Variants in C1orf21 observed in about 807,000 individuals in gnomAD.
The protein encoded by C1orf21 is uncharacterized protein C1orf21.
C1orf21 carries 3 observed loss-of-function variants against 18.7 expected under a neutral mutation model. That is an observed-to-expected ratio of 0.16 (90% CI 0.07 to 0.42). The LOEUF (loss-of-function observed/expected upper bound fraction) is 0.42, where lower values mean the gene tolerates loss of function less well. Among genes scored for constraint, C1orf21 ranks in the 10% least tolerant of loss-of-function variants. The pLI, the probability that C1orf21 is intolerant of heterozygous loss-of-function variation, is 0.99. For synonymous variants in C1orf21, 41 were observed against 46.4 expected, an observed-to-expected ratio of 0.88 and a Z score of 0.47; for missense variants, 104 against 143.6, an observed-to-expected ratio of 0.72 and a Z score of 1.41.
chr1:184,425,108 G>C (rs1180042400), intron 1 of C1orf21, among the ~76,000 whole-genome samples: 3 of 152,058 alleles, frequency 2.0e-5, no homozygotes, highest in Non-Finnish European at 4.4e-5. Context: ...TGAATGTTTG[G>C]GTGTGACTTC....
intron 1 of C1orf21, among the ~76,000 whole-genome samples, chr1:184,457,341 G>A (rs967646239): frequency 8.5e-5 from 13 of 152,092 alleles, no homozygotes; most frequent in African/African-American, 2.4e-4. Flanking sequence ...GTAGACTAAC[G>A]TCATCAAACA....
At position 184,598,472 on chromosome 1, in the gene C1orf21, A is replaced by G. The variant is rs201146030; in HGVS notation, c.327+11A>G. ...GAAAAAATTGAAAAGGTAAGAAGTG[A>G]AATAAATAACCTACATGTTTCAAGG... is the stretch of plus-strand genomic sequence containing the variant. On this transcript the variant is annotated intron_variant, in intron 5 of 5. Coordinates refer to ENST00000235307, the MANE Select transcript of C1orf21 (RefSeq NM_030806.4). The G allele has an allele frequency of 2.6e-4, 425 of 1,608,492 alleles. No homozygotes were observed. The highest frequency in any genetic ancestry group is 5.2e-4 in the Admixed American group (31 of 59,710).
Position 184,435,650 on chromosome 1 carries a change from G to A in C1orf21, c.-124-41736G>A, listed in dbSNP as rs140151278. On this transcript the variant is annotated intron_variant, in intron 1 of 5. Coordinates refer to ENST00000235307, the MANE Select transcript of C1orf21 (RefSeq NM_030806.4). Reference sequence around the variant, plus strand: ...GAGCCACTGTGCCTGGCGTATAGATGGTATTTGAAGCAAGAGACTGGCCTG... The same window carrying A: ...GAGCCACTGTGCCTGGCGTATAGATAGTATTTGAAGCAAGAGACTGGCCTG... Among the ~76,000 whole-genome samples, 3 of 152,224 alleles carry A rather than the reference G, an allele frequency of 2.0e-5. No homozygotes were observed. The East Asian group carries it at 5.8e-4, about 29-fold the overall frequency.
At chr1:184,552,852 G>T (rs1658831195) in intron 3 of C1orf21, among the ~76,000 whole-genome samples, 1 of 152,136 alleles carries the variant, frequency 6.6e-6, no homozygotes, top group Non-Finnish European at 1.5e-5. Context: ...ATGAAATATT[G>T]CTTTGGTTAT....
chr1:184,591,563 T>G (rs1659436606), intron 4 of C1orf21, among the ~76,000 whole-genome samples: 1 of 152,144 alleles, frequency 6.6e-6, no homozygotes, highest in Non-Finnish European at 1.5e-5. Context: ...TCCCAGCACT[T>G]TGGGAGGCCA....
intron 5 of C1orf21, among the ~76,000 whole-genome samples, chr1:184,603,147 T>C (rs1032640926): frequency 6.6e-6 from 1 of 152,232 alleles, no homozygotes; most frequent in African/African-American, 2.4e-5. Flanking sequence ...TTCTTTCTTA[T>C]GTATTTTGCT....
intron 2 of C1orf21, among the ~76,000 whole-genome samples, chr1:184,496,997 C>T (rs1235987985): frequency 2.0e-5 from 3 of 152,154 alleles, no homozygotes; most frequent in South Asian, 2.1e-4. Context: ...TGAGGACCAC[C>T]TCTGCATCAG....
At chr1:184,576,212 C>T (rs895850064) in intron 3 of C1orf21, among the ~76,000 whole-genome samples, 1 of 152,068 alleles carries the variant, frequency 6.6e-6, no homozygotes, top group Non-Finnish European at 1.5e-5. Flanking sequence ...GCAACCTCCA[C>T]CTCCTGGGTT....
At chr1:184,505,306 A>AATATATAT (rs59445875) in intron 2 of C1orf21, among the ~76,000 whole-genome samples, 3,863 of 65,526 alleles carry the variant, frequency 0.059, 113 homozygotes, top group African/African-American at 0.074. Flanking sequence ...TACATAAAGA[A>AATATATAT]ATATATATAT....
Position 184,627,018 on chromosome 1 carries a change from C to T in C1orf21, c.*7462C>T, listed in dbSNP as rs1039600124. The stretch of plus-strand genomic sequence containing the variant: ...GGATTAGGTCACATACACCTGGTGG[C>T]CAAGCCTCTGCTGGGTCCCAAATAC... On this transcript the variant is annotated 3_prime_UTR_variant, in exon 6 of 6. Coordinates refer to ENST00000235307, the MANE Select transcript of C1orf21 (RefSeq NM_030806.4). 6.6e-6 allele frequency: 1 copy of T among 152,582 alleles called. No homozygotes were observed. Among genetic ancestry groups the T allele is most frequent in the Admixed American group, 6.5e-5 (1 of 15,284 alleles). The allele number at this position is 152,582 out of a possible 1,614,324, so 9.5% of individuals were successfully genotyped here.
chr1:184,462,594 G>A (rs1657324139), intron 1 of C1orf21, among the ~76,000 whole-genome samples: 1 of 152,044 alleles, frequency 6.6e-6, no homozygotes, highest in Admixed American at 6.6e-5. Context: ...CACAGTATTT[G>A]TGTTCTCAAA....
chr1:184,489,867 G>T (rs1657791976), intron 2 of C1orf21, among the ~76,000 whole-genome samples: 1 of 152,220 alleles, frequency 6.6e-6, no homozygotes, highest in East Asian at 1.9e-4. Context: ...TCTTTATTGT[G>T]AAGTTTCAGG....
intron 4 of C1orf21, among the ~76,000 whole-genome samples, chr1:184,594,979 A>G (rs902116874): frequency 7.9e-5 from 12 of 152,180 alleles, no homozygotes; most frequent in African/African-American, 1.2e-4. Context: ...TTAAGATGCC[A>G]TTGTATTGTC....
chr1:184,567,739 A>G (rs760130978), intron 3 of C1orf21: 1 of 319,234 alleles, frequency 3.1e-6, no homozygotes, highest in South Asian at 3.2e-5. Flanking sequence ...AATTGTTGCT[A>G]TGTGAACCCA....
chr1:184,598,558 C>G (rs769638942), intron 5 of C1orf21, 97 bp downstream of exon 5: 15 of 1,208,552 alleles, frequency 1.2e-5, no homozygotes, highest in Non-Finnish European at 1.6e-5. Context: ...TGTCATAAAG[C>G]TATTTTTGTG....
chr1:184,489,744 G>A (rs1657789624), intron 2 of C1orf21, among the ~76,000 whole-genome samples: 1 of 152,306 alleles, frequency 6.6e-6, no homozygotes, highest in East Asian at 1.9e-4. Flanking sequence ...GGGATTTTAT[G>A]CAGCATATCT....
chr1:184,530,749 C>A (rs1021670462), intron 3 of C1orf21, among the ~76,000 whole-genome samples: 1 of 151,820 alleles, frequency 6.6e-6, no homozygotes, highest in Non-Finnish European at 1.5e-5. Context: ...AACTATCCTA[C>A]CTTGAATTTA....
intron 2 of C1orf21, among the ~76,000 whole-genome samples, chr1:184,489,183 A>G (rs1204437718): frequency 1.3e-5 from 2 of 152,206 alleles, no homozygotes; most frequent in African/African-American, 2.4e-5. Context: ...CAAACTGAGA[A>G]TAATATTTGC....
chr1:184,585,614 AC>A (rs1189459100), intron 3 of C1orf21, among the ~76,000 whole-genome samples: 1 of 151,120 alleles, frequency 6.6e-6, no homozygotes, highest in Non-Finnish European at 1.5e-5. Context: ...ATCCTCTCCC[AC>A]CTCCCACCTT....
Sources: allele counts gnomAD v4.1 joint callset (sites outside exome capture counted in the v4.1 genomes callset), GRCh38; gene constraint gnomAD v4.1.1; transcripts MANE v1.5; gene names NCBI Gene and HGNC (gene_info 2026-07-23, HGNC 2026-07-21).